The following KIAA0319 variants were observed in gnomAD, a reference collection of about 807,000 sequenced individuals.
KIAA0319 encodes dyslexia-associated protein KIAA0319.
In KIAA0319, 83 loss-of-function variants were observed where a neutral mutation model predicts 108.4. The ratio of observed to expected loss-of-function variants is 0.77; its 90% CI spans 0.64 to 0.92. The LOEUF is 0.92. Among genes scored for constraint, KIAA0319 ranks in the 40% least tolerant of loss-of-function variants. The pLI is 0.00. For synonymous variants in KIAA0319, 484 were observed against 510.4 expected, an observed-to-expected ratio of 0.95 and a Z score of 0.70; for missense variants, 1,195 against 1,322.4, an observed-to-expected ratio of 0.90 and a Z score of 1.49.
intron 1 of KIAA0319, among the ~76,000 whole-genome samples, chr6:24,638,965 T>A (rs1776569391): frequency 1.3e-5 from 2 of 152,052 alleles, no homozygotes; most frequent in African/African-American, 4.8e-5. Context: ...ATAAATGAGG[T>A]GATGGATAGG....
intron 8 of KIAA0319, 135 bp downstream of exon 8, chr6:24,579,723 T>C (rs927533963): frequency 1.5e-6 from 1 of 648,474 alleles, no homozygotes; most frequent in Admixed American, 3.2e-5. Flanking sequence ...AAAGAAGACA[T>C]AAAACTAAAG....
rs1336921106 is a variant in KIAA0319, at chr6:24,597,927, A to C, written c.56-1309T>G. ...AGCAAGACCCTATCTCAAAAAAAAAAAAAAAAAAAAAAAAAAAAAAAAACC... is the reference window on the plus strand; with the variant it reads ...AGCAAGACCCTATCTCAAAAAAAAACAAAAAAAAAAAAAAAAAAAAAAACC... On this transcript the variant is annotated intron_variant, in intron 2 of 20. Coordinates refer to ENST00000378214, the MANE Select transcript of KIAA0319 (RefSeq NM_014809.4). 2.5e-5 allele frequency: 3 copies of C among 121,874 alleles called. 1 individual carries two copies. The highest frequency in any genetic ancestry group is 9.5e-5 in the African/African-American group (3 of 31,742). 7.5% of individuals were successfully genotyped at this position (121,874 alleles called of 1,614,324 possible). A position where few individuals can be genotyped will look rare whatever the true frequency, so the allele number is the denominator to read the frequency against.
At chr6:24,566,523 T>C in intron 14 of KIAA0319, 74 bp downstream of exon 14, 2 of 1,327,730 alleles carry the variant, frequency 1.5e-6, no homozygotes, top group South Asian at 3.1e-5. Context: ...CCGTGATATA[T>C]TGTTTGCAGC....
At chr6:24,619,962 G>T (rs958086292) in intron 1 of KIAA0319, among the ~76,000 whole-genome samples, 47 of 152,294 alleles carry the variant, frequency 3.1e-4, no homozygotes, top group African/African-American at 1.1e-3. Flanking sequence ...CAATCACATG[G>T]ATCCCATTCG....
intron 13 of KIAA0319, among the ~76,000 whole-genome samples, chr6:24,567,532 C>T (rs544889293): frequency 6.6e-6 from 1 of 152,030 alleles, no homozygotes; most frequent in East Asian, 1.9e-4. Context: ...CCCGTCTCCA[C>T]ACACACACAA....
At position 24,582,309 on chromosome 6, in the gene KIAA0319, G is replaced by C; in HGVS notation, c.1131C>G (p.His377Gln). The C allele has an allele frequency of 6.2e-7, 1 of 1,611,786 alleles. No homozygotes were observed. The highest frequency in any genetic ancestry group is 8.5e-7 in the Non-Finnish European group (1 of 1,178,118). ...TTATTTCACCTTGGTAGTCTGTGGG[G>C]TGGCTTATTAAATTCCATTCATAGT... The part of the protein sequence containing the change: ...TYNYEWNLIS[H>Q]PTDYQGEIKQ... The change falls in exon 6 of 21, where the codon CAC becomes CAG. Residue 377 changes from histidine to glutamine, a missense_variant. Physicochemically the swap from His to Gln is conservative, Grantham distance 24. Transcript: ENST00000378214.
chr6:24,643,641 AGC>A (rs1777248812), intron 1 of KIAA0319, among the ~76,000 whole-genome samples: 1 of 152,250 alleles, frequency 6.6e-6, no homozygotes, highest in African/African-American at 2.4e-5. Context: ...AATCAGAACA[AGC>A]TTTGGACATG....
intron 13 of KIAA0319, among the ~76,000 whole-genome samples, chr6:24,568,050 G>A (rs1736757457): frequency 6.6e-6 from 1 of 152,148 alleles, no homozygotes; most frequent in Non-Finnish European, 1.5e-5. Context: ...TCTCCCAGCT[G>A]CCCAGAGGAT....
At chr6:24,595,557 A>AAC (rs1554164815) in intron 3 of KIAA0319, among the ~76,000 whole-genome samples, 1 of 148,756 alleles carries the variant, frequency 6.7e-6, no homozygotes, top group Non-Finnish European at 1.5e-5. Context: ...AAAAAAAAAA[A>AAC]AAAAAAAAAA....
At chr6:24,645,316 T>C (rs1170981060) in intron 1 of KIAA0319, among the ~76,000 whole-genome samples, 1 of 152,220 alleles carries the variant, frequency 6.6e-6, no homozygotes, top group African/African-American at 2.4e-5. Context: ...TCTCAAAATT[T>C]CAGGTTTATC....
chr6:24,580,768 C>A (rs966226171), intron 7 of KIAA0319, among the ~76,000 whole-genome samples, 158 bp downstream of exon 7: 1 of 151,996 alleles, frequency 6.6e-6, no homozygotes, highest in African/African-American at 2.4e-5. Flanking sequence ...AAAAAAAAAC[C>A]AAAAATATAA....
intron 1 of KIAA0319, among the ~76,000 whole-genome samples, chr6:24,620,325 G>T (rs776845881): frequency 9.2e-5 from 14 of 152,128 alleles, no homozygotes; most frequent in Admixed American, 1.3e-4. Context: ...TTTTGAGACG[G>T]AGTCTCACTC....
chr6:24,634,158 C>T (rs1327535623), intron 1 of KIAA0319, among the ~76,000 whole-genome samples: 1 of 152,182 alleles, frequency 6.6e-6, no homozygotes, highest in Non-Finnish European at 1.5e-5. Flanking sequence ...GGACTGAAAG[C>T]GCTAAATGTT....
In KIAA0319 at chr6:24,595,977, TTC is replaced by T; in HGVS notation, c.695_696del (p.Arg232LysfsTer42). 6.2e-7 allele frequency: 1 copy of T among 1,614,204 alleles called. No individual in the cohort carries two copies. Among genetic ancestry groups the T allele is most frequent in the East Asian group, 2.2e-5 (1 of 44,884 alleles). On this transcript the variant is annotated frameshift_variant, in exon 3 of 21. Coordinates refer to ENST00000378214, the MANE Select transcript of KIAA0319 (RefSeq NM_014809.4). LOFTEE classifies it high-confidence loss of function. The stretch of plus-strand genomic sequence containing the variant: ...GTAGTCGGCAAGGGAAGCAACACAC[TTC>T]TCTCAGGGAGTTTTGGGGCAGGGGT... ...ASTPAPKLPE[R>X]SVLLPLPTTP...
rs1760798729 is a variant in KIAA0319, at chr6:24,547,463, A to C, written c.3041-120T>G. On this transcript the variant is annotated intron_variant, in intron 20 of 20. Coordinates refer to ENST00000378214, the MANE Select transcript of KIAA0319 (RefSeq NM_014809.4). ...TGGTGCTCTCCGCCCCTTGAAAGCA[A>C]TCACTCAAAACAGCAGGCGGTTTGG... The C allele has an allele frequency of 8.5e-6, 7 of 822,688 alleles. No individual in the cohort carries two copies. In the East Asian group the frequency reaches 1.6e-4, roughly 19 times the overall value. 51.0% of individuals were successfully genotyped at this position (822,688 alleles called of 1,614,324 possible).
chr6:24,591,437 A>G (rs1382471451), intron 3 of KIAA0319, among the ~76,000 whole-genome samples: 1 of 152,080 alleles, frequency 6.6e-6, no homozygotes, highest in Non-Finnish European at 1.5e-5. Flanking sequence ...GTGAGACTCT[A>G]TCTCTACAAA....
chr6:24,644,887 G>C (rs1345378472), intron 1 of KIAA0319, among the ~76,000 whole-genome samples: 1 of 151,944 alleles, frequency 6.6e-6, no homozygotes, highest in African/African-American at 2.4e-5. Context: ...TGACTCCTAC[G>C]TCTATAACTG....
downstream of KIAA0319, among the ~76,000 whole-genome samples, chr6:24,543,776 G>A (rs1760303404): frequency 1.3e-5 from 2 of 152,170 alleles, no homozygotes; most frequent in African/African-American, 4.8e-5. Flanking sequence ...CTAGATTAGA[G>A]GATGCAGTGT....
At chr6:24,575,212 G>C (rs891157782) in intron 10 of KIAA0319, among the ~76,000 whole-genome samples, 2 of 152,232 alleles carry the variant, frequency 1.3e-5, no homozygotes, top group African/African-American at 4.8e-5. Flanking sequence ...GGAAAGAAGA[G>C]AGAGGGTGTC....
Sources: gnomAD v4.1 joint callset for allele counts (sites outside exome capture counted in the v4.1 genomes callset) on GRCh38, gnomAD v4.1.1 for gene constraint, MANE v1.5 for transcripts, NCBI Gene and HGNC (gene_info 2026-07-23, HGNC 2026-07-21) for gene names.